HIPK2: variants seen among roughly 807,000 people sequenced by gnomAD.
The protein encoded by HIPK2 is homeodomain-interacting protein kinase 2.
A neutral mutation model predicts 113.7 loss-of-function variants in HIPK2; 27 were observed. That is an observed-to-expected ratio of 0.24 (90% CI 0.17 to 0.33). The LOEUF is 0.33. Among genes scored for constraint, HIPK2 ranks in the 10% least tolerant of loss-of-function variants. The pLI is 1.00. For missense variants in HIPK2, 1,257 were observed against 1,588.0 expected (o/e 0.79, Z 3.54); for synonymous variants, 631 against 642.2 (o/e 0.98, Z 0.26).
At chr7:139,744,592 AT>A (rs1318976779) in intron 1 of HIPK2, among the ~76,000 whole-genome samples, 1 of 152,238 alleles carries the variant, frequency 6.6e-6, no homozygotes, top group Non-Finnish European at 1.5e-5. Context: ...CAATAAAGCC[AT>A]TTTAAAAATA....
intron 2 of HIPK2, among the ~76,000 whole-genome samples, chr7:139,642,277 T>C (rs557547045): frequency 2.2e-4 from 33 of 152,286 alleles, no homozygotes; most frequent in African/African-American, 7.2e-4. Context: ...TGAGCCGCTG[T>C]TTGAGCTGGT....
chr7:139,759,600 C>A (rs1365200566), intron 1 of HIPK2, among the ~76,000 whole-genome samples: 1 of 152,128 alleles, frequency 6.6e-6, no homozygotes, highest in East Asian at 1.9e-4. Flanking sequence ...ATAAAAAAGA[C>A]TGAAGATAAT....
Position 139,620,402 on chromosome 7 carries a change from T to C in HIPK2, c.1781A>G (p.Gln594Arg). ...CCTTCCCTTCTGTTTCCCACTTACC[T>C]GGTTGTGGACAGTGGTCAGCTGGTT... ...FNNQLTTVHN[Q>R]APSSTSATIS... is the part of the protein sequence containing the mutation. The change falls in exon 7 of 15, where the codon CAG becomes CGG. Residue 594 changes from glutamine (Q) to arginine (R), a missense_variant and splice_region_variant. Transcript: ENST00000406875. 6.2e-7 allele frequency: 1 copy of C among 1,613,948 alleles called. No homozygotes were observed. Among genetic ancestry groups the C allele is most frequent in the South Asian group, 1.1e-5 (1 of 91,068 alleles).
At chr7:139,666,730 G>C (rs559214154) in intron 2 of HIPK2, among the ~76,000 whole-genome samples, 1 of 152,270 alleles carries the variant, frequency 6.6e-6, no homozygotes, top group Non-Finnish European at 1.5e-5. Flanking sequence ...AAATGTATTA[G>C]ACAACTTCGT....
intron 6 of HIPK2, 154 bp downstream of exon 6, chr7:139,626,447 T>G (rs1017292813): frequency 1.1e-5 from 3 of 264,492 alleles, no homozygotes; most frequent in African/African-American, 6.9e-5. Context: ...GCCTCACTCA[T>G]CTGTTTATGT....
chr7:139,668,977 G>A (rs762341032), intron 2 of HIPK2, among the ~76,000 whole-genome samples: 5 of 152,228 alleles, frequency 3.3e-5, no homozygotes, highest in African/African-American at 4.8e-5. Context: ...AAGAATTCAC[G>A]TGGAAGGATC....
chr7:139,701,492 G>A (rs1794706961), intron 2 of HIPK2, among the ~76,000 whole-genome samples: 1 of 152,052 alleles, frequency 6.6e-6, no homozygotes, highest in African/African-American at 2.4e-5. Flanking sequence ...AGTCATGTCG[G>A]AGAGGTGGTG....
intron 1 of HIPK2, among the ~76,000 whole-genome samples, chr7:139,719,113 C>T (rs888203753): frequency 6.6e-6 from 1 of 151,958 alleles, no homozygotes; most frequent in African/African-American, 2.4e-5. Context: ...ACTGTGTGCT[C>T]GGGTGGTTCC....
In HIPK2 at chr7:139,777,681, C is replaced by G; in HGVS notation, c.-58G>C. ...GGGACGGGAAAGCGGCGCGCGAGCT[C>G]GGCCCCCCCAGCCTCAGTCGGAATC... On this transcript the variant is annotated 5_prime_UTR_variant, in exon 1 of 15. Coordinates refer to ENST00000406875, the MANE Select transcript of HIPK2 (RefSeq NM_022740.5). The G allele has an allele frequency of 9.3e-7, 1 of 1,072,774 alleles. No individual in the cohort carries two copies. The allele number at this position is 1,072,774 out of a possible 1,614,324, so 66.5% of individuals were successfully genotyped here.
chr7:139,705,437 C>T (rs920186877), intron 2 of HIPK2, among the ~76,000 whole-genome samples: 14 of 151,684 alleles, frequency 9.2e-5, no homozygotes, highest in Non-Finnish European at 1.5e-4. Flanking sequence ...AGTGCAGTGG[C>T]GCAATCTCGG....
At position 139,565,704 on chromosome 7, in the gene HIPK2, CTTTT is replaced by C. The variant is rs371199927; in HGVS notation, c.*7219_*7222del. On this transcript the variant is annotated 3_prime_UTR_variant, in exon 15 of 15. Transcript: ENST00000406875. ...TCTTGTCTTTCTTCCACCTCTACTT[CTTTT>C]TTTTTTTCTTTTTTTTTTCTTTTTT... The C allele has an allele frequency of 1.4e-5, 2 of 142,536 alleles. No homozygotes were observed. The highest frequency in any genetic ancestry group is 1.4e-4 in the Admixed American group (2 of 14,126). 8.8% of individuals were successfully genotyped at this position (142,536 alleles called of 1,614,324 possible). A position where few individuals can be genotyped will look rare whatever the true frequency, so the allele number is the denominator to read the frequency against.
At chr7:139,741,391 T>C (rs1585445744) in intron 1 of HIPK2, among the ~76,000 whole-genome samples, 1 of 152,208 alleles carries the variant, frequency 6.6e-6, no homozygotes, top group South Asian at 2.1e-4. Flanking sequence ...TCCTGTCCTC[T>C]TGCAACATTT....
At chr7:139,639,045 T>C (rs1800914598) in intron 2 of HIPK2, among the ~76,000 whole-genome samples, 1 of 152,182 alleles carries the variant, frequency 6.6e-6, no homozygotes, top group Non-Finnish European at 1.5e-5. Flanking sequence ...CACTTGTCCT[T>C]GATCCTCAGC....
chr7:139,629,742 CA>C, intron 4 of HIPK2, among the ~76,000 whole-genome samples: 1 of 152,336 alleles, frequency 6.6e-6, no homozygotes, highest in Non-Finnish European at 1.5e-5. Flanking sequence ...AATTCGTCTT[CA>C]AAATCTCACT....
chr7:139,717,904 C>T (rs1795296242), intron 1 of HIPK2, among the ~76,000 whole-genome samples: 2 of 151,922 alleles, frequency 1.3e-5, no homozygotes, highest in East Asian at 1.9e-4. Context: ...CCACCACGCC[C>T]GACTAATTTT....
At chr7:139,699,187 C>T (rs1585392652) in intron 2 of HIPK2, among the ~76,000 whole-genome samples, 1 of 152,096 alleles carries the variant, frequency 6.6e-6, no homozygotes, top group African/African-American at 2.4e-5. Flanking sequence ...CTCCCACCAG[C>T]CTGGGGCAGT....
chr7:139,703,563 A>T (rs973610629), intron 2 of HIPK2, among the ~76,000 whole-genome samples: 1 of 151,928 alleles, frequency 6.6e-6, no homozygotes, highest in Admixed American at 6.6e-5. Flanking sequence ...GTGACTGGGG[A>T]TGACACTTCC....
At chr7:139,668,346 G>T (rs1385706238) in intron 2 of HIPK2, among the ~76,000 whole-genome samples, 1 of 152,088 alleles carries the variant, frequency 6.6e-6, no homozygotes, top group African/African-American at 2.4e-5. Flanking sequence ...TGGATCACGA[G>T]GTCAGGAGAT....
chr7:139,564,089 C>A lies in HIPK2; in HGVS notation c.*8838G>T, dbSNP rs1285628023. 1.5e-5 allele frequency: 6 copies of A among 397,506 alleles called. No homozygotes were observed. Among genetic ancestry groups the A allele is most frequent in the Non-Finnish European group, 2.7e-5 (6 of 226,016 alleles). 24.6% of individuals were successfully genotyped at this position (397,506 alleles called of 1,614,324 possible). ...TCTGCCTCCTCCTGCTCAGCCCTGA[C>A]CATCTCTGAGAGGATGCTAAGGTCC... On this transcript the variant is annotated 3_prime_UTR_variant, in exon 15 of 15. Coordinates refer to ENST00000406875, the MANE Select transcript of HIPK2 (RefSeq NM_022740.5).
Sources: gnomAD v4.1 joint callset for allele counts (sites outside exome capture counted in the v4.1 genomes callset) on GRCh38, gnomAD v4.1.1 for gene constraint, MANE v1.5 for transcripts, NCBI Gene and HGNC (gene_info 2026-07-23, HGNC 2026-07-21) for gene names.